The following WDFY4 variants were observed in gnomAD, a reference collection of about 807,000 sequenced individuals.
WDFY4 encodes WD repeat- and FYVE domain-containing protein 4.
A neutral mutation model predicts 351.9 loss-of-function variants in WDFY4; 169 were observed. The ratio of observed to expected loss-of-function variants is 0.48; its 90% CI spans 0.42 to 0.55. The LOEUF (loss-of-function observed/expected upper bound fraction) is 0.55. Among genes scored for constraint, WDFY4 ranks in the 20% least tolerant of loss-of-function variants. The probability of loss-of-function intolerance (pLI) is 0.00; values close to 1 mark genes in which losing one functional copy is unlikely to be tolerated. For synonymous variants in WDFY4, 1,622 were observed against 1,574.6 expected (o/e 1.03, Z -0.71); for missense variants, 3,803 against 3,935.6 (o/e 0.97, Z 0.90).
At chr10:48,733,548 G>A (rs2064540901) in intron 9 of WDFY4, among the ~76,000 whole-genome samples, 1 of 152,192 alleles carries the variant, frequency 6.6e-6, no homozygotes, top group African/African-American at 2.4e-5. Context: ...AAGAAGGCAG[G>A]GCTCTGTGTA....
At chr10:48,770,487 A>G (rs942281751) in intron 13 of WDFY4, among the ~76,000 whole-genome samples, 7 of 152,140 alleles carry the variant, frequency 4.6e-5, no homozygotes, top group African/African-American at 1.7e-4. Flanking sequence ...CTGCATCCCA[A>G]CTCTCACCCT....
intron 47 of WDFY4, among the ~76,000 whole-genome samples, chr10:48,930,472 C>T (rs1839928122): frequency 1.3e-5 from 2 of 152,068 alleles, no homozygotes; most frequent in African/African-American, 4.8e-5. Flanking sequence ...TCAGTAGCAT[C>T]GCACTTGAGG....
At chr10:48,901,074 G>T (rs982209082) in intron 46 of WDFY4, among the ~76,000 whole-genome samples, 1 of 152,166 alleles carries the variant, frequency 6.6e-6, no homozygotes, top group African/African-American at 2.4e-5. Context: ...GCCTTCTAGT[G>T]GCCCTGTGGA....
chr10:48,959,796 A>G lies in WDFY4; in HGVS notation c.8206A>G (p.Ile2736Val), dbSNP rs1841775498. Residue 2736 changes from isoleucine (I) to valine (V), a missense_variant, in exon 53 of 62, where the codon ATC becomes GTC. This residue lies in a region of WDFY4 where 3,054 missense variants were observed against 3,148.6 expected (regional missense o/e 0.97). Coordinates refer to ENST00000325239, the MANE Select transcript of WDFY4 (RefSeq NM_001394531.1). The part of the protein sequence containing the change: ...PWADGDPRKF[I>V]SLHRKALESD... The stretch of plus-strand genomic sequence containing the variant: ...GGCTGATGGGGACCCTCGGAAATTC[A>G]TCAGCCTGCACAGAAAGGTGAGTCA... 6 of 1,551,102 alleles carry G rather than the reference A, an allele frequency of 3.9e-6. No individual in the cohort carries two copies. Among genetic ancestry groups the G allele is most frequent in the Non-Finnish European group, 5.2e-6 (6 of 1,146,624 alleles).
chr10:48,868,358 C>T (rs1242902297), intron 40 of WDFY4, among the ~76,000 whole-genome samples: 1 of 152,144 alleles, frequency 6.6e-6, no homozygotes, highest in Non-Finnish European at 1.5e-5. Context: ...GTGATCATGG[C>T]TGTGATAGTC....
rs375386941 is a variant in WDFY4, at chr10:48,910,148, A to G, written c.7586+8285A>G. 3.4e-4 allele frequency: 418 copies of G among 1,245,886 alleles called. 4 individuals carry two copies. The African/African-American group carries it at 5.1e-3, about 15-fold the overall frequency. 77.2% of individuals were successfully genotyped at this position (1,245,886 alleles called of 1,614,324 possible). On this transcript the variant is annotated intron_variant, in intron 47 of 61. Coordinates refer to ENST00000325239, the MANE Select transcript of WDFY4 (RefSeq NM_001394531.1). ...TGGTTTCCAGAACATCTCACTTGCCACTCTGTCTTCTCCTAACTGGGGGCT... is the reference window on the plus strand; with the variant it reads ...TGGTTTCCAGAACATCTCACTTGCCGCTCTGTCTTCTCCTAACTGGGGGCT...
chr10:48,704,794 G>T (rs979916836), intron 1 of WDFY4, among the ~76,000 whole-genome samples: 1 of 152,218 alleles, frequency 6.6e-6, no homozygotes, highest in African/African-American at 2.4e-5. Flanking sequence ...TCCCACCTCA[G>T]TACCAGCTGT....
chr10:48,777,067 T>C lies in WDFY4; in HGVS notation c.3098+83T>C, dbSNP rs550230604. ...TGAATTATAATATTGATTGCAAACT[T>C]GTAGTTCCCATTGAATCTCACCACT... On this transcript the variant is annotated intron_variant, in intron 16 of 61. Transcript: ENST00000325239. 52 of 1,417,498 alleles carry C rather than the reference T, an allele frequency of 3.7e-5. No homozygotes were observed. In the African/African-American group the frequency reaches 7.4e-4, roughly 20 times the overall value. 87.8% of individuals were successfully genotyped at this position (1,417,498 alleles called of 1,614,324 possible).
rs550393932 is a variant in WDFY4, at chr10:48,810,705, C to A, written c.5014C>A (p.Arg1672Ser). 4 of 1,547,628 alleles carry A rather than the reference C, an allele frequency of 2.6e-6. No individual in the cohort carries two copies. In the African/African-American group the frequency reaches 5.5e-5, roughly 21 times the overall value. Reference protein sequence around the residue: ...DGLCAGSWVERSTEGVDIVMD... With the variant: ...DGLCAGSWVESSTEGVDIVMD... ...CCTGTGTGCAGGATCCTGGGTGGAA[C>A]GCAGCACTGAGGGCGTGGATATTGT... Residue 1672 changes from arginine (R) to serine (S), a missense_variant, in exon 29 of 62, where the codon CGC (arginine) becomes AGC (serine). Coordinates refer to ENST00000325239, the MANE Select transcript of WDFY4 (RefSeq NM_001394531.1).
intron 18 of WDFY4, 81 bp downstream of exon 18, chr10:48,778,913 G>A: frequency 6.9e-7 from 1 of 1,455,106 alleles, no homozygotes; most frequent in Admixed American, 2.1e-5. Flanking sequence ...ACACAGGTGT[G>A]GTTAGAAACC....
chr10:48,721,194 G>T (rs2064076246), intron 3 of WDFY4, 67 bp from the exon 4 acceptor site: 6 of 1,440,924 alleles, frequency 4.2e-6, no homozygotes, highest in Non-Finnish European at 5.7e-6. Context: ...GGAAGAGGGG[G>T]CCCTGGATGG....
chr10:48,844,632 G>A (rs114247703), intron 39 of WDFY4, among the ~76,000 whole-genome samples: 1,622 of 152,268 alleles, frequency 0.011, 28 homozygotes, highest in African/African-American at 0.037. Context: ...CCTGGCCCAA[G>A]AGTGAGGCTT....
chr10:48,935,626 C>T (rs913011269), intron 47 of WDFY4, among the ~76,000 whole-genome samples: 14 of 152,192 alleles, frequency 9.2e-5, no homozygotes, highest in African/African-American at 3.4e-4. Context: ...TGTCTTTCAT[C>T]TATTTATTTG....
In WDFY4 at chr10:48,970,306, G is replaced by A. The variant is rs987365185; in HGVS notation, c.8928+17G>A. The A allele has an allele frequency of 1.3e-6, 2 of 1,548,078 alleles. No individual in the cohort carries two copies. The highest frequency in any genetic ancestry group is 3.9e-5 in the Admixed American group (2 of 51,000). ...CTCCGGCAGGTATGGTCCAGCTCGT[G>A]CAGGTGCGGTCCTCAGGTGGGGACA... On this transcript the variant is annotated intron_variant, in intron 57 of 61. Transcript: ENST00000325239.
chr10:48,719,690 G>C (rs1238167711), intron 2 of WDFY4, among the ~76,000 whole-genome samples: 4 of 152,224 alleles, frequency 2.6e-5, no homozygotes, highest in Non-Finnish European at 5.9e-5. Flanking sequence ...TGCTCCTATG[G>C]GGGCAGCAGG....
chr10:48,816,682 C>T (rs1462075789), intron 31 of WDFY4, among the ~76,000 whole-genome samples: 1 of 152,100 alleles, frequency 6.6e-6, no homozygotes, highest in African/African-American at 2.4e-5. Flanking sequence ...GAATCACATG[C>T]AAGCATTTAA....
intron 53 of WDFY4, among the ~76,000 whole-genome samples, chr10:48,961,787 G>C (rs1841871418): frequency 6.6e-6 from 1 of 152,190 alleles, no homozygotes; most frequent in African/African-American, 2.4e-5. Flanking sequence ...TGAGGAGTGA[G>C]TACAGCTAGA....
intron 39 of WDFY4, among the ~76,000 whole-genome samples, chr10:48,857,968 A>G (rs185051420): frequency 1.5e-3 from 223 of 151,402 alleles, no homozygotes; most frequent in African/African-American, 5.3e-3. Flanking sequence ...ATTGTTTTGT[A>G]TTTTCAGTAG....
chr10:48,722,271 C>T (rs935803077), intron 4 of WDFY4, among the ~76,000 whole-genome samples: 1 of 152,192 alleles, frequency 6.6e-6, no homozygotes, highest in African/African-American at 2.4e-5. Flanking sequence ...CGACCTGAAG[C>T]ACAGCACGAG....
Sources: gnomAD v4.1 joint callset for allele counts (sites outside exome capture counted in the v4.1 genomes callset) on GRCh38, gnomAD v4.1.1 for gene constraint, gnomAD v4.1.1 regional missense constraint, MANE v1.5 for transcripts, NCBI Gene and HGNC (gene_info 2026-07-23, HGNC 2026-07-21) for gene names.